Variants in NTRK2 observed in about 807,000 individuals in gnomAD.
NTRK2 encodes the protein neurotrophic receptor tyrosine kinase 2.
Under a neutral mutation model 94.5 loss-of-function variants are expected in NTRK2, and 13 were observed. The ratio of observed to expected loss-of-function variants is 0.14; its 90% confidence interval spans 0.09 to 0.22. The LOEUF (loss-of-function observed/expected upper bound fraction) is 0.22, where lower values mean the gene tolerates loss of function less well. NTRK2 is among the 10% of genes least tolerant of loss of function. The pLI is 1.00. For synonymous variants in NTRK2, 372 were observed against 407.4 expected (o/e 0.91, Z 1.05); for missense variants, 639 against 1,071.2 (o/e 0.60, Z 5.63).
chr9:84,860,091 A>G (rs1389695196), intron 12 of NTRK2, among the ~76,000 whole-genome samples: 2 of 152,192 alleles, frequency 1.3e-5, no homozygotes, highest in African/African-American at 2.4e-5. Context: ...TGTTCATTTA[A>G]ATTGATTCCT....
intron 1 of NTRK2, 40 bp from the exon 2 acceptor site, chr9:84,670,337 G>T (rs947247821): frequency 6.3e-6 from 2 of 315,198 alleles, no homozygotes; most frequent in African/African-American, 2.2e-5. Context: ...TGGTGTTGGG[G>T]GTCCTACGCT....
At chr9:84,872,896 A>G (rs200213541) in intron 14 of NTRK2, 8 of 1,065,208 alleles carry the variant, frequency 7.5e-6, no homozygotes, top group Non-Finnish European at 8.0e-6. Flanking sequence ...GCTCCCCTCA[A>G]CAGCCACAGC....
chr9:84,908,218 G>A (rs1404542283), intron 14 of NTRK2, among the ~76,000 whole-genome samples: 1 of 152,246 alleles, frequency 6.6e-6, no homozygotes, highest in African/African-American at 2.4e-5. Flanking sequence ...GCCTTTGGCA[G>A]ATTCTCGACA....
chr9:84,903,133 A>G (rs186176765), intron 14 of NTRK2, among the ~76,000 whole-genome samples: 1 of 152,204 alleles, frequency 6.6e-6, no homozygotes, highest in African/African-American at 2.4e-5. Context: ...TAAACTTAAC[A>G]TTTTATTTTC....
intron 6 of NTRK2, among the ~76,000 whole-genome samples, chr9:84,717,833 A>G (rs887894020): frequency 6.6e-6 from 1 of 152,208 alleles, no homozygotes; most frequent in African/African-American, 2.4e-5. Context: ...AAATAAAGCC[A>G]CAACAAACAT....
intron 2 of NTRK2, among the ~76,000 whole-genome samples, chr9:84,680,223 T>C (rs944093987): frequency 3.3e-5 from 5 of 152,210 alleles, no homozygotes; most frequent in African/African-American, 9.6e-5. Context: ...CAGGGTACTC[T>C]GCAGAGGCAA....
chr9:84,744,075 G>A (rs2063860247), intron 10 of NTRK2, among the ~76,000 whole-genome samples: 1 of 152,180 alleles, frequency 6.6e-6, no homozygotes, highest in Non-Finnish European at 1.5e-5. Flanking sequence ...ATTGAAGGCA[G>A]TGTACCTATT....
intron 8 of NTRK2, among the ~76,000 whole-genome samples, chr9:84,727,333 C>A (rs776860677): frequency 1.6e-4 from 25 of 152,182 alleles, no homozygotes; most frequent in Admixed American, 1.3e-4. Flanking sequence ...AAGTCAACTT[C>A]AAATGAACTC....
intron 2 of NTRK2, among the ~76,000 whole-genome samples, chr9:84,699,997 C>T (rs2060626181): frequency 6.6e-6 from 1 of 152,114 alleles, no homozygotes; most frequent in African/African-American, 2.4e-5. Context: ...GAGTTCCAGG[C>T]CCTTGTTGTG....
intron 17 of NTRK2, among the ~76,000 whole-genome samples, chr9:85,004,721 C>T (rs1241711311): frequency 2.6e-5 from 4 of 152,196 alleles, no homozygotes; most frequent in African/African-American, 9.7e-5. Flanking sequence ...GATCTTCTCT[C>T]TTCTTCCCAG....
At chr9:84,882,167 C>T (rs1281111441) in intron 14 of NTRK2, among the ~76,000 whole-genome samples, 4 of 151,488 alleles carry the variant, frequency 2.6e-5, no homozygotes, top group Non-Finnish European at 2.9e-5. Flanking sequence ...GTCTAGCCAT[C>T]AAGCCAGGCT....
At chr9:84,693,977 C>G (rs147844272) in intron 2 of NTRK2, among the ~76,000 whole-genome samples, 108 of 152,318 alleles carry the variant, frequency 7.1e-4, no homozygotes, top group African/African-American at 2.5e-3. Context: ...TAATACAGGA[C>G]ATCATCCTAA....
rs2118018891 is a variant in NTRK2, at chr9:85,021,409, C to T, written c.2489C>T (p.Ser830Phe). 6.2e-7 allele frequency: 1 copy of T among 1,614,176 alleles called. No homozygotes were observed. The highest frequency in any genetic ancestry group is 8.5e-7 in the Non-Finnish European group (1 of 1,180,026). ...CTCCTTCAGAACTTGGCCAAGGCATCTCCGGTCTACCTGGACATTCTAGGC... is the reference window on the plus strand; with the variant it reads ...CTCCTTCAGAACTTGGCCAAGGCATTTCCGGTCTACCTGGACATTCTAGGC... ...HTLLQNLAKA[S>F]PVYLDILG The change falls in exon 19 of 19, where the codon TCT (serine) becomes TTT (phenylalanine). Residue 830 changes from serine (S) to phenylalanine (F), a missense_variant. Physicochemically the swap from Ser to Phe is radical, Grantham distance 155. Transcript: ENST00000277120.
At chr9:84,725,484 G>A (rs1338978137) in intron 8 of NTRK2, among the ~76,000 whole-genome samples, 2 of 152,056 alleles carry the variant, frequency 1.3e-5, no homozygotes, top group Non-Finnish European at 2.9e-5. Context: ...AGGAATGATG[G>A]GCCCTGGGTG....
chr9:84,817,211 T>TA (rs773954986), intron 12 of NTRK2, among the ~76,000 whole-genome samples: 1 of 152,196 alleles, frequency 6.6e-6, no homozygotes, highest in Non-Finnish European at 1.5e-5. Context: ...TGTACCTCGG[T>TA]AAATGTCCAC....
chr9:84,796,537 T>C (rs2069349820), intron 12 of NTRK2, among the ~76,000 whole-genome samples: 1 of 152,206 alleles, frequency 6.6e-6, no homozygotes. Context: ...CAATCTACAA[T>C]ATCTGCCAAA....
At chr9:84,765,844 A>G (rs1447217178) in intron 12 of NTRK2, among the ~76,000 whole-genome samples, 1 of 152,106 alleles carries the variant, frequency 6.6e-6, no homozygotes, top group Non-Finnish European at 1.5e-5. Flanking sequence ...GAAAAAATAT[A>G]CCTATTACAT....
At chr9:84,717,695 G>A (rs2061788318) in intron 6 of NTRK2, among the ~76,000 whole-genome samples, 1 of 152,140 alleles carries the variant, frequency 6.6e-6, no homozygotes, top group African/African-American at 2.4e-5. Context: ...ACAGAGTCTA[G>A]CACATACTAA....
At chr9:84,678,120 T>C (rs559197698) in intron 2 of NTRK2, among the ~76,000 whole-genome samples, 1 of 152,232 alleles carries the variant, frequency 6.6e-6, no homozygotes, top group Non-Finnish European at 1.5e-5. Context: ...TATAAAACTC[T>C]GCCATGTGTA....
Sources: gnomAD v4.1 joint callset for allele counts (sites outside exome capture counted in the v4.1 genomes callset) on GRCh38, gnomAD v4.1.1 for gene constraint, MANE v1.5 for transcripts, NCBI Gene and HGNC (gene_info 2026-07-23, HGNC 2026-07-21) for gene names.